NCAM2: variants seen among roughly 807,000 people sequenced by gnomAD.
The protein encoded by NCAM2 is neural cell adhesion molecule 2.
Under a neutral mutation model 98.1 loss-of-function variants are expected in NCAM2, and 30 were observed. That is an observed-to-expected ratio of 0.31 (90% confidence interval 0.23 to 0.41). The LOEUF is 0.41. Among genes scored for constraint, NCAM2 ranks in the 10% least tolerant of loss-of-function variants. The pLI is 1.00. For missense variants in NCAM2, 867 were observed against 1,005.8 expected, an observed-to-expected ratio of 0.86 and a Z score of 1.87; for synonymous variants, 368 against 342.4, an observed-to-expected ratio of 1.07 and a Z score of -0.83.
chr21:21,483,278 T>C (rs2146284799), intron 15 of NCAM2, among the ~76,000 whole-genome samples: 1 of 152,160 alleles, frequency 6.6e-6, no homozygotes, highest in Admixed American at 6.5e-5. Context: ...CAACATTTTT[T>C]ATATTCAATG....
At chr21:21,404,777 T>A (rs1478771949) in intron 9 of NCAM2, among the ~76,000 whole-genome samples, 2 of 151,764 alleles carry the variant, frequency 1.3e-5, no homozygotes, top group Non-Finnish European at 1.5e-5. Context: ...TGTTTACACA[T>A]ACCCACTCGT....
chr21:21,005,260 G>A (rs183055240), intron 1 of NCAM2, among the ~76,000 whole-genome samples: 209 of 152,254 alleles, frequency 1.4e-3, no homozygotes, highest in African/African-American at 4.8e-3. Flanking sequence ...GGACCAGAAG[G>A]AAAGCAAAAG....
intron 15 of NCAM2, among the ~76,000 whole-genome samples, chr21:21,488,135 A>G (rs1986546105): frequency 2.6e-5 from 4 of 152,150 alleles, no homozygotes; most frequent in South Asian, 4.1e-4. Context: ...TAGCAAATAC[A>G]TATAAAGACA....
At chr21:21,465,350 G>T (rs115620756) in intron 12 of NCAM2, among the ~76,000 whole-genome samples, 2,061 of 152,004 alleles carry the variant, frequency 0.014, 44 homozygotes, top group African/African-American at 0.047. Flanking sequence ...GGAGGCTGAG[G>T]TGGGCAGTTT....
intron 1 of NCAM2, among the ~76,000 whole-genome samples, chr21:21,177,363 T>C (rs562870198): frequency 0.13 from 10 of 78 alleles, no homozygotes; most frequent in East Asian, 0.45. Context: ...TCCATATTTA[T>C]TCATATCTTT....
intron 1 of NCAM2, among the ~76,000 whole-genome samples, chr21:21,005,731 C>T (rs1182781682): frequency 2.6e-5 from 4 of 151,652 alleles, no homozygotes; most frequent in Admixed American, 6.6e-5. Flanking sequence ...AAGTCAGCTT[C>T]TCTGCTTTAT....
At chr21:21,121,163 CAGA>C (rs1312786144) in intron 1 of NCAM2, among the ~76,000 whole-genome samples, 7 of 152,258 alleles carry the variant, frequency 4.6e-5, no homozygotes, top group South Asian at 2.1e-4. Context: ...TAAAATATCT[CAGA>C]AGATTATCTT....
chr21:21,042,129 T>TGACTCTACATCAATA (rs1373642016), intron 1 of NCAM2, among the ~76,000 whole-genome samples: 2 of 152,220 alleles, frequency 1.3e-5, no homozygotes, highest in Non-Finnish European at 2.9e-5. Flanking sequence ...TGGGTCAATC[T>TGACTCTACATCAATA]GACTCTACAT....
chr21:21,231,708 G>T (rs561057304), intron 1 of NCAM2, among the ~76,000 whole-genome samples: 1 of 151,314 alleles, frequency 6.6e-6, no homozygotes, highest in South Asian at 2.1e-4. Flanking sequence ...CTCATAATGA[G>T]ATATTATTTA....
intron 1 of NCAM2, among the ~76,000 whole-genome samples, chr21:21,136,860 G>T (rs2067065886): frequency 6.6e-6 from 1 of 151,080 alleles, no homozygotes; most frequent in Admixed American, 6.6e-5. Flanking sequence ...TTAAACAACT[G>T]TTCCTCAAAA....
At chr21:21,278,852 T>C (rs1307669918) in intron 1 of NCAM2, among the ~76,000 whole-genome samples, 1 of 152,224 alleles carries the variant, frequency 6.6e-6, no homozygotes, top group African/African-American at 2.4e-5. Context: ...TTACACATTT[T>C]ATTTCTTTAA....
intron 1 of NCAM2, among the ~76,000 whole-genome samples, chr21:21,160,160 A>T (rs1359469691): frequency 1.3e-5 from 2 of 152,042 alleles, no homozygotes; most frequent in African/African-American, 4.8e-5. Flanking sequence ...ACTATATTTT[A>T]TTTAATTTTT....
At chr21:21,013,229 G>T (rs1385655145) in intron 1 of NCAM2, among the ~76,000 whole-genome samples, 2 of 152,116 alleles carry the variant, frequency 1.3e-5, no homozygotes, top group East Asian at 1.9e-4. Context: ...AATTATGAAT[G>T]CAGAAAACAC....
chr21:21,435,720 T>C lies in NCAM2; in HGVS notation c.1654+3439T>C, dbSNP rs367728103. 1.4e-4 allele frequency among the ~76,000 whole-genome samples: 22 copies of C among 152,326 alleles called. No homozygotes were observed. The South Asian group carries it at 4.6e-3, about 32-fold the overall frequency. Reference sequence around the variant, plus strand: ...CCGCTACATGTTTCCATACAGTTTCTTATGGCTGTGCTGGTACTATTCTTT... The same window carrying C: ...CCGCTACATGTTTCCATACAGTTTCCTATGGCTGTGCTGGTACTATTCTTT... On this transcript the variant is annotated intron_variant, in intron 12 of 17. Coordinates refer to ENST00000400546, the MANE Select transcript of NCAM2 (RefSeq NM_004540.5).
intron 12 of NCAM2, among the ~76,000 whole-genome samples, chr21:21,453,063 A>C (rs1456183868): frequency 7.9e-6 from 1 of 126,836 alleles, no homozygotes; most frequent in East Asian, 2.1e-4. Context: ...AAATATAAAT[A>C]TATTTATAAA....
intron 8 of NCAM2, among the ~76,000 whole-genome samples, chr21:21,371,758 A>G (rs2075919370): frequency 6.6e-6 from 1 of 151,812 alleles, no homozygotes. Flanking sequence ...TAAAATTAGT[A>G]TCTATCTTGT....
chr21:21,304,910 T>C (rs1488112725), intron 5 of NCAM2, among the ~76,000 whole-genome samples: 1 of 152,194 alleles, frequency 6.6e-6, no homozygotes. Flanking sequence ...TTTTAATTGT[T>C]AATTGTAGCA....
chr21:21,404,237 A>G (rs2076690991), intron 9 of NCAM2, among the ~76,000 whole-genome samples: 1 of 152,180 alleles, frequency 6.6e-6, no homozygotes, highest in Non-Finnish European at 1.5e-5. Context: ...TGTAAACAAT[A>G]TCAACATATG....
At chr21:21,447,329 G>A (rs1980327843) in intron 12 of NCAM2, among the ~76,000 whole-genome samples, 1 of 152,072 alleles carries the variant, frequency 6.6e-6, no homozygotes, top group Admixed American at 6.6e-5. Context: ...AATGGTGCTG[G>A]GAAAACTGGC....
Sources: gnomAD v4.1 joint callset for allele counts (sites outside exome capture counted in the v4.1 genomes callset) on GRCh38, gnomAD v4.1.1 for gene constraint, MANE v1.5 for transcripts, NCBI Gene and HGNC (gene_info 2026-07-23, HGNC 2026-07-21) for gene names.